ANKRD31: variants seen among roughly 807,000 people sequenced by gnomAD.
ANKRD31 encodes ankyrin repeat domain 31, also known as ankyrin repeat domain-containing protein 31.
Under a neutral mutation model 186.0 loss-of-function variants are expected in ANKRD31, and 147 were observed. The ratio of observed to expected loss-of-function variants is 0.79; its 90% CI spans 0.69 to 0.91. The LOEUF is 0.91. ANKRD31 is among the 40% of genes least tolerant of loss of function. The pLI is 0.00. For missense variants in ANKRD31, 1,986 were observed against 2,148.8 expected (o/e 0.92, Z 1.50); for synonymous variants, 673 against 736.4 (o/e 0.91, Z 1.39).
intron 17 of ANKRD31, among the ~76,000 whole-genome samples, chr5:75,136,174 A>T (rs555180596): frequency 6.6e-6 from 1 of 152,350 alleles, no homozygotes; most frequent in African/African-American, 2.4e-5. Flanking sequence ...GGATCTAATT[A>T]AACTAAAGAG....
Position 75,146,904 on chromosome 5 carries a change from GA to G in ANKRD31, c.2506del (p.Ser836LeufsTer59). 1 of 1,536,368 alleles carries G rather than the reference GA, an allele frequency of 6.5e-7. No homozygotes were observed. The highest frequency in any genetic ancestry group is 2.4e-5 in the East Asian group (1 of 40,888). On this transcript the variant is annotated frameshift_variant, in exon 14 of 26. Transcript: ENST00000506364. LOFTEE classifies it high-confidence loss of function. The stretch of plus-strand genomic sequence containing the variant: ...TTTATGTAATAAAAGCCCTGGGAAA[GA>G]AACAGCTTCAGTTTGGTCAACAGAT... ...LESVDQTEAV[S>X]FPGLLLHKEI...
intron 11 of ANKRD31, among the ~76,000 whole-genome samples, chr5:75,167,507 T>C (rs923094764): frequency 6.6e-6 from 1 of 152,226 alleles, no homozygotes; most frequent in African/African-American, 2.4e-5. Flanking sequence ...CTTCCACTCC[T>C]GTCTTGTCAT....
At chr5:75,208,822 T>C (rs1173716185) in intron 4 of ANKRD31, among the ~76,000 whole-genome samples, 1 of 152,206 alleles carries the variant, frequency 6.6e-6, no homozygotes, top group African/African-American at 2.4e-5. Flanking sequence ...AATCATTTAC[T>C]GCTATATCCT....
At chr5:75,088,130 G>A (rs1561406126) in intron 23 of ANKRD31, among the ~76,000 whole-genome samples, 1 of 152,228 alleles carries the variant, frequency 6.6e-6, no homozygotes, top group Non-Finnish European at 1.5e-5. Flanking sequence ...GAATAAGGCT[G>A]TCTGTCGAGA....
intron 17 of ANKRD31, among the ~76,000 whole-genome samples, chr5:75,130,747 C>T (rs1191435388): frequency 2.6e-5 from 4 of 152,134 alleles, no homozygotes; most frequent in Non-Finnish European, 5.9e-5. Context: ...CGGGTCCCCA[C>T]CCAATTAGCT....
At chr5:75,097,418 G>A (rs1326775308) in intron 22 of ANKRD31, among the ~76,000 whole-genome samples, 2 of 152,184 alleles carry the variant, frequency 1.3e-5, no homozygotes, top group African/African-American at 4.8e-5. Flanking sequence ...CAGTGATGAT[G>A]AGCATTTTTT....
At chr5:75,220,603 T>C (rs1035317864) in intron 3 of ANKRD31, among the ~76,000 whole-genome samples, 5 of 150,502 alleles carry the variant, frequency 3.3e-5, no homozygotes, top group African/African-American at 1.2e-4. Flanking sequence ...GATCATGTCA[T>C]TGCACGCCAG....
At chr5:75,133,520 C>A (rs1263160195) in intron 17 of ANKRD31, among the ~76,000 whole-genome samples, 1 of 152,162 alleles carries the variant, frequency 6.6e-6, no homozygotes, top group Non-Finnish European at 1.5e-5. Flanking sequence ...TAAAGCAACT[C>A]CTTAGTGTAC....
At chr5:75,100,778 A>G (rs1182100999) in intron 22 of ANKRD31, among the ~76,000 whole-genome samples, 1 of 152,144 alleles carries the variant, frequency 6.6e-6, no homozygotes, top group Admixed American at 6.5e-5. Flanking sequence ...TTTACTTGGT[A>G]GATCTTCCTC....
intron 10 of ANKRD31, among the ~76,000 whole-genome samples, chr5:75,186,517 C>T (rs1287204468): frequency 6.6e-6 from 1 of 152,162 alleles, no homozygotes; most frequent in Non-Finnish European, 1.5e-5. Context: ...CTTTCTTTTT[C>T]AGTTCCAATG....
intron 2 of ANKRD31, 54 bp downstream of exon 2, chr5:75,230,508 T>C (rs1016952846): frequency 5.9e-6 from 8 of 1,367,446 alleles, no homozygotes; most frequent in African/African-American, 2.9e-5. Context: ...TGACATTAAA[T>C]GGGGACTAAC....
At chr5:75,226,120 T>C (rs1041991267) in intron 2 of ANKRD31, among the ~76,000 whole-genome samples, 17 of 152,182 alleles carry the variant, frequency 1.1e-4, no homozygotes, top group South Asian at 8.3e-4. Flanking sequence ...GTCTCATGGT[T>C]TGAGTGCCAG....
chr5:75,105,340 T>A, intron 21 of ANKRD31, 122 bp from the exon 22 acceptor site: 1 of 1,078,364 alleles, frequency 9.3e-7, no homozygotes, highest in Non-Finnish European at 1.2e-6. Context: ...CACAAAACTA[T>A]GCCTGTGCAA....
At chr5:75,141,824 T>C (rs979314760) in intron 15 of ANKRD31, among the ~76,000 whole-genome samples, 4 of 151,894 alleles carry the variant, frequency 2.6e-5, no homozygotes, top group Non-Finnish European at 4.4e-5. Flanking sequence ...CAACAAACTC[T>C]CCCAATAATT....
chr5:75,195,963 T>C lies in ANKRD31; in HGVS notation c.685A>G (p.Thr229Ala). The change falls in exon 7 of 26, where the codon ACA (threonine) becomes GCA (alanine). Residue 229 changes from threonine (T) to alanine (A), a missense_variant. Thr to Ala is a moderately conservative substitution (Grantham distance 58). Transcript: ENST00000506364. ...TFVSALESLL[T>A]SPESTQEERL... ...TCCTCCTGGGTGCTTTCTGGTGATG[T>C]AAGTAAACTTTCTAAGGCAGACACA... 6.5e-7 allele frequency: 1 copy of C among 1,532,096 alleles called. No homozygotes were observed. Among genetic ancestry groups the C allele is most frequent in the Non-Finnish European group, 8.7e-7 (1 of 1,144,494 alleles). 94.9% of individuals were successfully genotyped at this position (1,532,096 alleles called of 1,614,324 possible). A position where few individuals can be genotyped will look rare whatever the true frequency, so the allele number is the denominator to read the frequency against.
intron 5 of ANKRD31, among the ~76,000 whole-genome samples, chr5:75,203,744 C>T (rs1255203378): frequency 6.6e-6 from 1 of 151,806 alleles, no homozygotes; most frequent in Non-Finnish European, 1.5e-5. Context: ...ATGATATTAT[C>T]CATGACACCT....
intron 3 of ANKRD31, among the ~76,000 whole-genome samples, chr5:75,217,507 G>T (rs78379026): frequency 0.049 from 7,435 of 152,152 alleles, 434 homozygotes; most frequent in African/African-American, 0.14. Context: ...ACTAGGGAAG[G>T]GAATGCCCCT....
intron 22 of ANKRD31, among the ~76,000 whole-genome samples, chr5:75,103,032 A>T (rs1747035250): frequency 6.6e-6 from 1 of 152,106 alleles, no homozygotes; most frequent in Non-Finnish European, 1.5e-5. Context: ...TGTAGACTGG[A>T]GCTGTTCCTA....
At chr5:75,229,610 T>C (rs1439502321) in intron 2 of ANKRD31, among the ~76,000 whole-genome samples, 1 of 152,130 alleles carries the variant, frequency 6.6e-6, no homozygotes, top group Admixed American at 6.5e-5. Flanking sequence ...CTCATACCTG[T>C]AATCCCAGCA....
Sources: gnomAD v4.1 joint callset for allele counts (sites outside exome capture counted in the v4.1 genomes callset) on GRCh38, gnomAD v4.1.1 for gene constraint, MANE v1.5 for transcripts, NCBI Gene and HGNC (gene_info 2026-07-23, HGNC 2026-07-21) for gene names.